Variants in NALF1 observed in about 807,000 individuals in gnomAD.
NALF1 encodes the protein family with sequence similarity 155 member A.
In NALF1, 3 loss-of-function variants were observed where a neutral mutation model predicts 48.4. The observed-to-expected ratio is 0.06, with a 90% CI of 0.03 to 0.16. NALF1 has a LOEUF of 0.16. Among genes scored for constraint, NALF1 ranks in the 10% least tolerant of loss-of-function variants. The pLI, the probability that NALF1 is intolerant of heterozygous loss-of-function variation, is 1.00. For missense variants in NALF1, 526 were observed against 571.5 expected (o/e 0.92, Z 0.81); for synonymous variants, 262 against 245.7 (o/e 1.07, Z -0.62).
intron 1 of NALF1, among the ~76,000 whole-genome samples, chr13:107,696,170 T>C (rs547050993): frequency 6.6e-6 from 1 of 152,374 alleles, no homozygotes; most frequent in Admixed American, 6.5e-5. Flanking sequence ...GTGCTAGGAT[T>C]ATAGGCGTGA....
intron 1 of NALF1, among the ~76,000 whole-genome samples, chr13:107,656,042 G>C (rs1046302257): frequency 2.0e-5 from 3 of 151,468 alleles, no homozygotes; most frequent in African/African-American, 7.3e-5. Flanking sequence ...TCTAAGACCT[G>C]AAATCATAAA....
At chr13:107,687,306 T>TGGAGGGAGGGAA (rs1173915189) in intron 1 of NALF1, among the ~76,000 whole-genome samples, 2 of 151,396 alleles carry the variant, frequency 1.3e-5, no homozygotes, top group East Asian at 1.9e-4. Context: ...AGAGTCTGGA[T>TGGAGGGAGGGAA]GGAGGGAGGG....
At chr13:107,762,527 G>A (rs751489814) in intron 1 of NALF1, among the ~76,000 whole-genome samples, 12 of 152,184 alleles carry the variant, frequency 7.9e-5, no homozygotes, top group Admixed American at 2.6e-4. Flanking sequence ...GATCTGAACT[G>A]GGATCTATGA....
intron 1 of NALF1, among the ~76,000 whole-genome samples, chr13:107,333,900 T>A (rs1300204809): frequency 5.3e-5 from 8 of 152,198 alleles, no homozygotes; most frequent in Admixed American, 3.9e-4. Flanking sequence ...GATTTGCAAG[T>A]TTCAGAATTT....
chr13:107,640,984 A>G (rs1028223283), intron 1 of NALF1, among the ~76,000 whole-genome samples: 5 of 152,230 alleles, frequency 3.3e-5, no homozygotes, highest in African/African-American at 4.8e-5. Context: ...TGCACTCCCA[A>G]TAGCCAAAAT....
At chr13:107,486,888 T>C (rs958504446) in intron 1 of NALF1, among the ~76,000 whole-genome samples, 2 of 152,202 alleles carry the variant, frequency 1.3e-5, no homozygotes, top group Non-Finnish European at 2.9e-5. Context: ...GAATATTTTC[T>C]TAATATATTC....
intron 1 of NALF1, among the ~76,000 whole-genome samples, chr13:107,729,430 T>C (rs1462865046): frequency 3.9e-5 from 6 of 151,902 alleles, no homozygotes; most frequent in Non-Finnish European, 8.8e-5. Flanking sequence ...AAAAAAATAA[T>C]AAATATGGAA....
At chr13:107,411,470 C>A (rs541254198) in intron 1 of NALF1, among the ~76,000 whole-genome samples, 1 of 152,112 alleles carries the variant, frequency 6.6e-6, no homozygotes, top group Admixed American at 6.5e-5. Context: ...AGCTTCCCAG[C>A]TGAAATGTGC....
intron 1 of NALF1, among the ~76,000 whole-genome samples, chr13:107,703,393 C>T (rs553784629): frequency 8.8e-5 from 13 of 147,212 alleles, no homozygotes; most frequent in Admixed American, 1.4e-4. Flanking sequence ...GACAGAGTCT[C>T]GCACTGTCAC....
chr13:107,513,623 T>A (rs1478311504), intron 1 of NALF1, among the ~76,000 whole-genome samples: 1 of 152,098 alleles, frequency 6.6e-6, no homozygotes, highest in African/African-American at 2.4e-5. Context: ...CAAGCCTAGA[T>A]CAATGGTGGG....
chr13:107,392,432 TGCATCCTTTTCCTAACAAATTCTGATA>T (rs1403242622), intron 1 of NALF1, among the ~76,000 whole-genome samples: 2 of 152,106 alleles, frequency 1.3e-5, no homozygotes, highest in Non-Finnish European at 2.9e-5. Context: ...TAAACACTCA[TGCATCCTTTTCCTAACAAATTCTGATA>T]GCAGAGATAG....
rs1382663014 is a variant in NALF1, at chr13:107,866,193, G to C, written c.404C>G (p.Pro135Arg). The change falls in exon 1 of 3, where the codon CCG (proline) becomes CGG (arginine). Residue 135 changes from proline (P) to arginine (R), a missense_variant. Physicochemically the swap from Pro to Arg is moderately radical, Grantham distance 103 (BLOSUM62 -2). This residue lies in a region of NALF1 where 373 missense variants were observed against 355.5 expected (regional missense o/e 1.05). Coordinates refer to ENST00000375915, the MANE Select transcript of NALF1 (RefSeq NM_001080396.3). The surrounding 1 kb of genome is among the most constrained non-coding windows in gnomAD (Gnocchi z 4.4). Reference sequence around the variant, plus strand: ...GCCGCCGCCGCCGCCGCCGTCTCCCGGGGAGGGGGGCAGGGTGGGGGACGA... The same window carrying C: ...GCCGCCGCCGCCGCCGCCGTCTCCCCGGGAGGGGGGCAGGGTGGGGGACGA... Reference protein sequence around the residue: ...ASSSPTLPPSPGDGGGGGGKG... With the variant: ...ASSSPTLPPSRGDGGGGGGKG... 6.2e-7 allele frequency: 1 copy of C among 1,602,530 alleles called. No homozygotes were observed. Among genetic ancestry groups the C allele is most frequent in the Non-Finnish European group, 8.5e-7 (1 of 1,175,104 alleles).
chr13:107,306,511 G>C (rs562116521), intron 1 of NALF1, among the ~76,000 whole-genome samples: 71 of 152,216 alleles, frequency 4.7e-4, no homozygotes, highest in African/African-American at 1.7e-3. Context: ...GTCATTTACC[G>C]TTTTGAGGAT....
At chr13:107,400,129 C>T (rs1032179896) in intron 1 of NALF1, among the ~76,000 whole-genome samples, 1 of 152,034 alleles carries the variant, frequency 6.6e-6, no homozygotes, top group African/African-American at 2.4e-5. Flanking sequence ...TAATTGTTAA[C>T]TAAAGGATTC....
intron 1 of NALF1, among the ~76,000 whole-genome samples, chr13:107,232,762 C>A (rs1019824921): frequency 2.0e-5 from 3 of 152,128 alleles, no homozygotes; most frequent in African/African-American, 4.8e-5. Context: ...AGTTCCTGGA[C>A]AATTAATAAA....
At chr13:107,550,464 C>T (rs913550957) in intron 1 of NALF1, among the ~76,000 whole-genome samples, 2 of 152,108 alleles carry the variant, frequency 1.3e-5, no homozygotes, top group African/African-American at 2.4e-5. Context: ...AACACTTTAA[C>T]ACACTGGGAT....
At chr13:107,406,143 T>C (rs906719708) in intron 1 of NALF1, among the ~76,000 whole-genome samples, 1 of 152,028 alleles carries the variant, frequency 6.6e-6, no homozygotes, top group Non-Finnish European at 1.5e-5. Flanking sequence ...GAAAAGAACA[T>C]CACACACTTC....
In NALF1 at chr13:107,735,329, G is replaced by C. The variant is rs77265544; in HGVS notation, c.915+130353C>G. 3.7e-3 allele frequency among the ~76,000 whole-genome samples: 561 copies of C among 152,250 alleles called. 4 individuals carry two copies. Among genetic ancestry groups the C allele is most frequent in the South Asian group, 0.024 (117 of 4,826 alleles). The stretch of plus-strand genomic sequence containing the variant: ...AATGACGAGTATTTCCAAATTCCAG[G>C]TGATCAGGAATATAACATGGTTGGA... On this transcript the variant is annotated intron_variant, in intron 1 of 2. Transcript: ENST00000375915.
At chr13:107,754,318 C>T (rs1488275028) in intron 1 of NALF1, among the ~76,000 whole-genome samples, 1 of 150,080 alleles carries the variant, frequency 6.7e-6, no homozygotes, top group Non-Finnish European at 1.5e-5. Context: ...AAAGGGAATA[C>T]CAGGTTACCT....
Sources: gnomAD v4.1 joint callset for allele counts (sites outside exome capture counted in the v4.1 genomes callset) on GRCh38, gnomAD v4.1.1 for gene constraint, gnomAD v4.1.1 regional missense constraint, Gnocchi (gnomAD v3.1) non-coding constraint, MANE v1.5 for transcripts, NCBI Gene and HGNC (gene_info 2026-07-23, HGNC 2026-07-21) for gene names.